The following CNTN5 variants were observed in gnomAD, a reference collection of about 807,000 sequenced individuals.
The protein encoded by CNTN5 is contactin 5, also known as contactin-5.
In CNTN5, 77 loss-of-function variants were observed where a neutral mutation model predicts 129.1. The observed-to-expected ratio is 0.60, with a 90% CI of 0.50 to 0.72. CNTN5 has a LOEUF of 0.72. Ranked by LOEUF, CNTN5 falls within the 30% of genes least tolerant of loss-of-function variation. The pLI, the probability that CNTN5 is intolerant of heterozygous loss-of-function variation, is 0.00. For missense variants in CNTN5, 1,478 were observed against 1,328.8 expected, an observed-to-expected ratio of 1.11 and a Z score of -1.75; for synonymous variants, 509 against 465.6, an observed-to-expected ratio of 1.09 and a Z score of -1.20.
intron 16 of CNTN5, among the ~76,000 whole-genome samples, chr11:100,227,652 C>G (rs1949407192): frequency 6.6e-6 from 1 of 152,120 alleles, no homozygotes; most frequent in African/African-American, 2.4e-5. Context: ...CATGCATAAT[C>G]TGGAGAACCA....
intron 2 of CNTN5, among the ~76,000 whole-genome samples, chr11:99,545,520 G>A (rs1248045747): frequency 6.6e-6 from 1 of 151,830 alleles, no homozygotes; most frequent in Non-Finnish European, 1.5e-5. Context: ...AGTAAATATG[G>A]GTTTATTTCT....
chr11:100,061,460 T>C (rs753642668), intron 10 of CNTN5, 67 bp downstream of exon 10: 17 of 1,180,266 alleles, frequency 1.4e-5, no homozygotes, highest in Non-Finnish European at 1.9e-5. Flanking sequence ...GAAATTAACT[T>C]TAACTAAATA....
Position 100,076,375 on chromosome 11 carries a change from G to A in CNTN5, c.1580+2081G>A, listed in dbSNP as rs372497361. On this transcript the variant is annotated intron_variant, in intron 13 of 24. Coordinates refer to ENST00000524871, the MANE Select transcript of CNTN5 (RefSeq NM_014361.4). Reference sequence around the variant, plus strand: ...CATCAACTGTTGAAAAATGACACATGGTGAGTTTAAAAAATTAGGGTGGAA... The same window carrying A: ...CATCAACTGTTGAAAAATGACACATAGTGAGTTTAAAAAATTAGGGTGGAA... Among the ~76,000 whole-genome samples, 5 of 151,962 alleles carry A rather than the reference G, an allele frequency of 3.3e-5. No individual in the cohort carries two copies. In the South Asian group the frequency reaches 1.0e-3, roughly 32 times the overall value.
intron 6 of CNTN5, among the ~76,000 whole-genome samples, chr11:99,868,012 C>T (rs918460868): frequency 3.9e-5 from 6 of 151,940 alleles, no homozygotes; most frequent in South Asian, 2.1e-4. Context: ...GTCAGGAGTT[C>T]GAGACCAGCC....
rs532774897 is a variant in CNTN5, at chr11:100,213,146, C to T, written c.1885-11546C>T. Among the ~76,000 whole-genome samples, 3 of 152,194 alleles carry T rather than the reference C, an allele frequency of 2.0e-5. No homozygotes were observed. The South Asian group carries it at 6.2e-4, about 32-fold the overall frequency. ...TTCTCTCTGTATAATAGATCAGCAT[C>T]CTTTATTTTGTATAACTAGTTCCCT... is the stretch of plus-strand genomic sequence containing the variant. On this transcript the variant is annotated intron_variant, in intron 15 of 24. Coordinates refer to ENST00000524871, the MANE Select transcript of CNTN5 (RefSeq NM_014361.4).
intron 1 of CNTN5, among the ~76,000 whole-genome samples, chr11:99,314,300 A>G (rs927456096): frequency 6.6e-6 from 1 of 152,072 alleles, no homozygotes; most frequent in African/African-American, 2.4e-5. Context: ...TATTTTAGCT[A>G]TCCATATCTC....
intron 23 of CNTN5, among the ~76,000 whole-genome samples, chr11:100,344,341 A>G (rs892168946): frequency 7.2e-5 from 11 of 152,152 alleles, no homozygotes; most frequent in Admixed American, 1.3e-4. Flanking sequence ...AAAAGTAGAT[A>G]TTTTCCCCAT....
At chr11:100,137,968 G>A (rs1462002645) in intron 13 of CNTN5, among the ~76,000 whole-genome samples, 2 of 151,916 alleles carry the variant, frequency 1.3e-5, no homozygotes, top group South Asian at 2.1e-4. Context: ...TGACACTGGC[G>A]ATGAACTTGA....
intron 2 of CNTN5, among the ~76,000 whole-genome samples, chr11:99,539,171 T>C (rs1948008052): frequency 6.6e-6 from 1 of 152,114 alleles, no homozygotes; most frequent in Non-Finnish European, 1.5e-5. Flanking sequence ...AAGTTTAAAA[T>C]TAAGTTTTAT....
At chr11:99,658,524 C>T (rs2135907338) in intron 3 of CNTN5, among the ~76,000 whole-genome samples, 1 of 152,098 alleles carries the variant, frequency 6.6e-6, no homozygotes, top group South Asian at 2.1e-4. Flanking sequence ...TCTTGCATCA[C>T]ATTTAACAAT....
At position 99,301,216 on chromosome 11, in the gene CNTN5, G is replaced by T. The variant is rs190989819; in HGVS notation, c.-209-24130G>T. ...TAATAATACACATAGAAAACAAGTAGCAAAATGGCAGATTCAAATCCTACG... is the reference window on the plus strand; with the variant it reads ...TAATAATACACATAGAAAACAAGTATCAAAATGGCAGATTCAAATCCTACG... On this transcript the variant is annotated intron_variant, in intron 1 of 24. Coordinates refer to ENST00000524871, the MANE Select transcript of CNTN5 (RefSeq NM_014361.4). Among the ~76,000 whole-genome samples, 150 of 151,416 alleles carry T rather than the reference G, an allele frequency of 9.9e-4. 1 individual carries two copies. Among genetic ancestry groups the T allele is most frequent in the African/African-American group, 3.5e-3 (145 of 41,384 alleles).
intron 2 of CNTN5, among the ~76,000 whole-genome samples, chr11:99,532,053 G>C (rs553070336): frequency 6.6e-6 from 1 of 151,960 alleles, no homozygotes; most frequent in Non-Finnish European, 1.5e-5. Flanking sequence ...AGCTTGCCCC[G>C]TGTGCCTGGA....
chr11:99,687,254 C>T (rs773626549), intron 3 of CNTN5, among the ~76,000 whole-genome samples: 11 of 151,900 alleles, frequency 7.2e-5, no homozygotes, highest in Admixed American at 2.0e-4. Context: ...CCCAAGAACC[C>T]CTCAACCCAC....
chr11:99,577,705 C>CAT (rs1949404052), intron 3 of CNTN5, among the ~76,000 whole-genome samples: 1 of 151,928 alleles, frequency 6.6e-6, no homozygotes. Context: ...TTACCATAGA[C>CAT]ATATATATTG....
intron 1 of CNTN5, among the ~76,000 whole-genome samples, chr11:99,076,942 CT>C (rs1303023676): frequency 1.3e-5 from 2 of 151,934 alleles, no homozygotes; most frequent in African/African-American, 2.4e-5. Flanking sequence ...TGTTATTTTT[CT>C]GCTTCCAACC....
intron 7 of CNTN5, among the ~76,000 whole-genome samples, chr11:99,923,411 C>A (rs543152149): frequency 2.6e-5 from 4 of 152,066 alleles, no homozygotes; most frequent in Non-Finnish European, 5.9e-5. Flanking sequence ...GTAGAAATAG[C>A]CTCATAAAAC....
chr11:99,058,941 T>C (rs575740474), intron 1 of CNTN5, among the ~76,000 whole-genome samples: 1 of 148,656 alleles, frequency 6.7e-6, no homozygotes, highest in South Asian at 2.1e-4. Context: ...TTTATAATTA[T>C]ACATTATATA....
intron 3 of CNTN5, among the ~76,000 whole-genome samples, chr11:99,673,627 T>A (rs766410848): frequency 1.4e-4 from 22 of 152,114 alleles, no homozygotes; most frequent in Non-Finnish European, 1.8e-4. Context: ...CCCCAGTGTG[T>A]GTTGTTCCCC....
At chr11:99,800,675 T>C (rs747085385) in intron 3 of CNTN5, among the ~76,000 whole-genome samples, 9 of 152,324 alleles carry the variant, frequency 5.9e-5, no homozygotes, top group Non-Finnish European at 1.2e-4. Context: ...TTTATCATTA[T>C]GTAATGCATT....
Sources: gnomAD v4.1 joint callset for allele counts (sites outside exome capture counted in the v4.1 genomes callset) on GRCh38, gnomAD v4.1.1 for gene constraint, MANE v1.5 for transcripts, NCBI Gene and HGNC (gene_info 2026-07-23, HGNC 2026-07-21) for gene names.